The following ST6GALNAC3 variants were observed in gnomAD, a reference collection of about 807,000 sequenced individuals.
ST6GALNAC3 encodes the protein alpha-N-acetylgalactosaminide alpha-2,6-sialyltransferase 3.
Under a neutral mutation model 32.7 loss-of-function variants are expected in ST6GALNAC3, and 25 were observed. The ratio of observed to expected loss-of-function variants is 0.76; its 90% CI spans 0.56 to 1.07. The LOEUF (loss-of-function observed/expected upper bound fraction) is 1.07, where lower values mean the gene tolerates loss of function less well. Ranked by LOEUF, ST6GALNAC3 falls within the 50% of genes least tolerant of loss-of-function variation. ST6GALNAC3 has a pLI of 0.00. For missense variants in ST6GALNAC3, 355 were observed against 382.4 expected, an observed-to-expected ratio of 0.93 and a Z score of 0.60; for synonymous variants, 129 against 133.1, an observed-to-expected ratio of 0.97 and a Z score of 0.21.
intron 3 of ST6GALNAC3, among the ~76,000 whole-genome samples, chr1:76,576,510 T>C (rs1646810687): frequency 1.3e-5 from 2 of 152,066 alleles, no homozygotes; most frequent in African/African-American, 2.4e-5. Context: ...TCTAGTGCTA[T>C]AGAAGCCAGA....
At position 76,427,114 on chromosome 1, in the gene ST6GALNAC3, A is replaced by G. The variant is rs1231125011; in HGVS notation, c.623+14697A>G. Among the ~76,000 whole-genome samples the G allele has an allele frequency of 3.3e-5, 5 of 152,208 alleles. No individual in the cohort carries two copies. The East Asian group carries it at 9.7e-4, about 29-fold the overall frequency. On this transcript the variant is annotated intron_variant, in intron 3 of 4. Transcript: ENST00000328299. ...GTCTCCTTAGTGGTACAGAGATCTCAGCAAAGAAACTCAGAAGTGAGCACA... is the reference window on the plus strand; with the variant it reads ...GTCTCCTTAGTGGTACAGAGATCTCGGCAAAGAAACTCAGAAGTGAGCACA...
intron 2 of ST6GALNAC3, among the ~76,000 whole-genome samples, chr1:76,362,703 T>C (rs1334571668): frequency 6.6e-6 from 1 of 152,220 alleles, no homozygotes; most frequent in Non-Finnish European, 1.5e-5. Context: ...AGGGCAGTCA[T>C]TACATTTTAA....
chr1:76,279,126 CA>C (rs1431046067), intron 1 of ST6GALNAC3, among the ~76,000 whole-genome samples: 1 of 152,184 alleles, frequency 6.6e-6, no homozygotes, highest in African/African-American at 2.4e-5. Context: ...AGGAAACAGA[CA>C]GCAGACAGCA....
intron 1 of ST6GALNAC3, among the ~76,000 whole-genome samples, chr1:76,217,099 T>G (rs1365516916): frequency 6.6e-6 from 1 of 152,246 alleles, no homozygotes; most frequent in Non-Finnish European, 1.5e-5. Context: ...TTTTAAGATG[T>G]AAGTTTTGAA....
At chr1:76,171,110 T>C (rs868424257) in intron 1 of ST6GALNAC3, among the ~76,000 whole-genome samples, 7 of 86,494 alleles carry the variant, frequency 8.1e-5, no homozygotes, top group Non-Finnish European at 1.1e-4. Flanking sequence ...TGTGTGTGTG[T>C]GTGTGTGTGT....
intron 3 of ST6GALNAC3, among the ~76,000 whole-genome samples, chr1:76,569,184 C>CA (rs1386314719): frequency 6.6e-6 from 1 of 152,090 alleles, no homozygotes; most frequent in Non-Finnish European, 1.5e-5. Flanking sequence ...GAAGGGAAAG[C>CA]AACAAAAACA....
intron 3 of ST6GALNAC3, among the ~76,000 whole-genome samples, chr1:76,423,834 G>T (rs988304101): frequency 1.3e-5 from 2 of 151,958 alleles, no homozygotes; most frequent in South Asian, 4.1e-4. Flanking sequence ...TTGGAGGGTA[G>T]TAGAGAGAGA....
At chr1:76,354,506 T>G (rs1173222907) in intron 2 of ST6GALNAC3, among the ~76,000 whole-genome samples, 4 of 152,222 alleles carry the variant, frequency 2.6e-5, no homozygotes, top group Admixed American at 2.6e-4. Context: ...TTAATTCTCA[T>G]GGAGTCAAAT....
intron 2 of ST6GALNAC3, among the ~76,000 whole-genome samples, chr1:76,329,058 A>G (rs1647136363): frequency 6.6e-6 from 1 of 152,056 alleles, no homozygotes; most frequent in Admixed American, 6.6e-5. Context: ...TGTTAATCCT[A>G]CCTAGAGGTT....
intron 1 of ST6GALNAC3, among the ~76,000 whole-genome samples, chr1:76,134,457 T>C (rs569824143): frequency 3.3e-5 from 5 of 152,224 alleles, no homozygotes; most frequent in Non-Finnish European, 7.3e-5. Flanking sequence ...ATCCTCCAGC[T>C]CTAACATTCT....
rs376066559 is a variant in ST6GALNAC3 at position 76,525,343 on chromosome 1, C to A, written c.624-102109C>A. 1.1e-4 allele frequency among the ~76,000 whole-genome samples: 16 copies of A among 152,154 alleles called. No homozygotes were observed. In the Middle Eastern group the frequency reaches 0.014, roughly 129 times the overall value. ...ACTATCAGACTGTCAACTTGAAGAA[C>A]TTCAACAAGGAATGCTATGCTCTGG... On this transcript the variant is annotated intron_variant, in intron 3 of 4. Transcript: ENST00000328299.
intron 1 of ST6GALNAC3, among the ~76,000 whole-genome samples, chr1:76,204,641 G>A (rs1570426205): frequency 6.6e-6 from 1 of 152,132 alleles, no homozygotes; most frequent in African/African-American, 2.4e-5. Flanking sequence ...CCTATTGCAC[G>A]ACGTGTATCT....
intron 1 of ST6GALNAC3, among the ~76,000 whole-genome samples, chr1:76,244,166 C>G (rs1003019956): frequency 2.0e-5 from 3 of 151,670 alleles, no homozygotes; most frequent in Non-Finnish European, 4.4e-5. Context: ...CCTTCTTGTT[C>G]CTTGTAAGTT....
intron 1 of ST6GALNAC3, among the ~76,000 whole-genome samples, chr1:76,193,279 T>C (rs918995098): frequency 2.0e-5 from 3 of 152,254 alleles, no homozygotes; most frequent in African/African-American, 7.2e-5. Context: ...CCCCCACCAT[T>C]AGAAAATGTC....
intron 1 of ST6GALNAC3, among the ~76,000 whole-genome samples, chr1:76,271,705 A>G (rs935968648): frequency 6.6e-6 from 1 of 152,182 alleles, no homozygotes; most frequent in Non-Finnish European, 1.5e-5. Flanking sequence ...TGACAACTTT[A>G]TTTATGCTTT....
chr1:76,574,763 T>A (rs1420995622), intron 3 of ST6GALNAC3, among the ~76,000 whole-genome samples: 1 of 152,102 alleles, frequency 6.6e-6, no homozygotes, highest in Non-Finnish European at 1.5e-5. Flanking sequence ...TCCGTAAAAC[T>A]GATGAAGAAA....
At chr1:76,619,195 G>A (rs1648482374) in intron 3 of ST6GALNAC3, among the ~76,000 whole-genome samples, 1 of 152,104 alleles carries the variant, frequency 6.6e-6, no homozygotes, top group Non-Finnish European at 1.5e-5. Flanking sequence ...ATTTATTTCA[G>A]TGTTTCCAAA....
intron 2 of ST6GALNAC3, among the ~76,000 whole-genome samples, chr1:76,315,544 T>G (rs1646849423): frequency 2.0e-5 from 3 of 152,174 alleles, no homozygotes; most frequent in Admixed American, 6.6e-5. Context: ...TTGATGTAGT[T>G]TTTAATACAA....
intron 1 of ST6GALNAC3, among the ~76,000 whole-genome samples, chr1:76,081,763 A>C (rs1571103280): frequency 6.6e-6 from 1 of 152,282 alleles, no homozygotes; most frequent in South Asian, 2.1e-4. Context: ...GGGCCCTTCC[A>C]AGGTTCTGGG....
Sources: allele counts gnomAD v4.1 joint callset (sites outside exome capture counted in the v4.1 genomes callset), GRCh38; gene constraint gnomAD v4.1.1; transcripts MANE v1.5; gene names NCBI Gene and HGNC (gene_info 2026-07-23, HGNC 2026-07-21).